The following AGO2 variants were observed in gnomAD, a reference collection of about 807,000 sequenced individuals.
The protein encoded by AGO2 is protein argonaute-2.
A neutral mutation model predicts 102.3 loss-of-function variants in AGO2; 5 were observed. The ratio of observed to expected loss-of-function variants is 0.05; its 90% confidence interval spans 0.03 to 0.10. The LOEUF (loss-of-function observed/expected upper bound fraction) is 0.10, where lower values mean the gene tolerates loss of function less well. AGO2 is among the 10% of genes least tolerant of loss of function. The probability of loss-of-function intolerance (pLI) is 1.00; values close to 1 mark genes in which losing one functional copy is unlikely to be tolerated. For synonymous variants in AGO2, 449 were observed against 473.1 expected, an observed-to-expected ratio of 0.95 and a Z score of 0.66; for missense variants, 541 against 1,183.7, an observed-to-expected ratio of 0.46 and a Z score of 7.97.
chr8:140,623,366 C>T (rs919015997), intron 1 of AGO2, among the ~76,000 whole-genome samples: 3 of 152,114 alleles, frequency 2.0e-5, no homozygotes, highest in African/African-American at 7.2e-5. Context: ...GCGATGATGG[C>T]TGCACCACAC....
At chr8:140,543,207 C>A (rs770440234) in intron 14 of AGO2, among the ~76,000 whole-genome samples, 53 of 151,208 alleles carry the variant, frequency 3.5e-4, no homozygotes, top group Non-Finnish European at 6.5e-4. Flanking sequence ...ACAACAACAA[C>A]AAAAAAACGA....
intron 1 of AGO2, among the ~76,000 whole-genome samples, chr8:140,588,438 A>G (rs982444271): frequency 6.6e-6 from 1 of 152,156 alleles, no homozygotes; most frequent in African/African-American, 2.4e-5. Flanking sequence ...AATAATGTAC[A>G]TATCTTAATT....
chr8:140,556,812 C>G (rs944805164), intron 8 of AGO2, among the ~76,000 whole-genome samples: 6 of 152,190 alleles, frequency 3.9e-5, no homozygotes, highest in Admixed American at 6.5e-5. Context: ...GGTGCAGTGA[C>G]GGAGCACCTG....
rs2073635324 is a variant in AGO2 at position 140,585,231 on chromosome 8, C to T, written c.103G>A (p.Gly35Arg). ...TTGGCCTGTAATTTGATTGTTCTCC[C>T]GGAGGTCCCAAAGTCGGGTCTAGGT... ...PPPRPDFGTS[G>R]RTIKLQANFF... is the part of the protein sequence containing the mutation. Residue 35 changes from glycine to arginine, a missense_variant, in exon 2 of 19, where the codon GGG becomes AGG. By Grantham distance (125) the Gly-to-Arg change is moderately radical. Coordinates refer to ENST00000220592, the MANE Select transcript of AGO2 (RefSeq NM_012154.5). 1 of 1,614,058 alleles carries T rather than the reference C, an allele frequency of 6.2e-7. No homozygotes were observed. Among genetic ancestry groups the T allele is most frequent in the Non-Finnish European group, 8.5e-7 (1 of 1,180,004 alleles).
At position 140,609,770 on chromosome 8, in the gene AGO2, T is replaced by G. The variant is rs573739048; in HGVS notation, c.23-24459A>C. Among the ~76,000 whole-genome samples the G allele has an allele frequency of 2.0e-5, 3 of 152,130 alleles. No individual in the cohort carries two copies. The South Asian group carries it at 6.2e-4, about 32-fold the overall frequency. On this transcript the variant is annotated intron_variant, in intron 1 of 18. Transcript: ENST00000220592. ...TCAACTGTACAAACAACTGAATGACTGCCCGGAAAAAGACAAAAGACAGAC... is the reference window on the plus strand; with the variant it reads ...TCAACTGTACAAACAACTGAATGACGGCCCGGAAAAAGACAAAAGACAGAC...
intron 3 of AGO2, among the ~76,000 whole-genome samples, chr8:140,568,342 C>T (rs2073325404): frequency 6.6e-6 from 1 of 150,880 alleles, no homozygotes; most frequent in Admixed American, 6.6e-5. Context: ...AGGGAAAAGG[C>T]ACAGAGGCGC....
In AGO2 at chr8:140,524,983, G is replaced by C. The variant is rs2072476568; in HGVS notation, c.*7061C>G. ...TATTTGGTGTTTTAGCTTTAACTCT[G>C]AACTACTTAAATCCAAGGAGGTTTT... On this transcript the variant is annotated 3_prime_UTR_variant, in exon 19 of 19. Transcript: ENST00000220592. 1 of 152,152 alleles carries C rather than the reference G, an allele frequency of 6.6e-6. No individual in the cohort carries two copies. 9.4% of individuals were successfully genotyped at this position (152,152 alleles called of 1,614,324 possible). A position where few individuals can be genotyped will look rare whatever the true frequency, so the allele number is the denominator to read the frequency against.
At chr8:140,573,193 G>C (rs2073412391) in intron 2 of AGO2, among the ~76,000 whole-genome samples, 1 of 151,654 alleles carries the variant, frequency 6.6e-6, no homozygotes, top group African/African-American at 2.4e-5. Context: ...TTTTGAGACG[G>C]AGTTTCGCTC....
At chr8:140,634,308 T>C (rs2074375184) in intron 1 of AGO2, among the ~76,000 whole-genome samples, 1 of 152,280 alleles carries the variant, frequency 6.6e-6, no homozygotes, top group Admixed American at 6.5e-5. Context: ...CCAGGGGGCC[T>C]TCCGGACCCC....
chr8:140,629,886 AGGAGG>A (rs1378036402), intron 1 of AGO2, among the ~76,000 whole-genome samples: 4 of 58,936 alleles, frequency 6.8e-5, no homozygotes, highest in South Asian at 6.3e-4. Context: ...CAGGGGGAAG[AGGAGG>A]GGAGGGGAGG....
chr8:140,549,035 A>ACCTTTCT, intron 12 of AGO2, 79 bp downstream of exon 12: 1 of 1,490,786 alleles, frequency 6.7e-7, no homozygotes, highest in Non-Finnish European at 8.9e-7. Flanking sequence ...CAGCAGAAAC[A>ACCTTTCT]CAGAGGGGCT....
chr8:140,573,181 T>A (rs1210118329), intron 2 of AGO2, among the ~76,000 whole-genome samples: 2 of 151,946 alleles, frequency 1.3e-5, no homozygotes, highest in African/African-American at 4.8e-5. Context: ...TTTTTCTTTT[T>A]TTTTTGAGAC....
At chr8:140,582,602 A>T (rs2073574085) in intron 2 of AGO2, among the ~76,000 whole-genome samples, 1 of 152,244 alleles carries the variant, frequency 6.6e-6, no homozygotes, top group African/African-American at 2.4e-5. Context: ...AGTATTTTCA[A>T]CAGACCCTTA....
chr8:140,616,382 C>T, intron 1 of AGO2, among the ~76,000 whole-genome samples: 1 of 152,224 alleles, frequency 6.6e-6, no homozygotes, highest in South Asian at 2.1e-4. Context: ...CATTAATTCA[C>T]TTCACTCCCA....
Position 140,625,877 on chromosome 8 carries a change from G to C in AGO2, c.22+9608C>G, listed in dbSNP as rs187364181. Reference sequence around the variant, plus strand: ...CAACAGCGAAGTTAAGGTGTGATGAGTGAGCGTCTCAGCACTGAGAATCCA... The same window carrying C: ...CAACAGCGAAGTTAAGGTGTGATGACTGAGCGTCTCAGCACTGAGAATCCA... On this transcript the variant is annotated intron_variant, in intron 1 of 18. Transcript: ENST00000220592. Among the ~76,000 whole-genome samples the C allele has an allele frequency of 4.4e-4, 67 of 152,368 alleles. No individual in the cohort carries two copies. In the East Asian group the frequency reaches 0.01, roughly 23 times the overall value.
At chr8:140,544,833 C>G (rs2072870017) in intron 13 of AGO2, among the ~76,000 whole-genome samples, 1 of 152,196 alleles carries the variant, frequency 6.6e-6, no homozygotes, top group African/African-American at 2.4e-5. Flanking sequence ...GCAAAACCAC[C>G]CCATGGAGAA....
At chr8:140,627,063 G>A (rs993196944) in intron 1 of AGO2, among the ~76,000 whole-genome samples, 3 of 152,166 alleles carry the variant, frequency 2.0e-5, no homozygotes, top group Non-Finnish European at 4.4e-5. Context: ...CTGGGACTCA[G>A]ACACCCACCC....
chr8:140,579,615 C>A (rs776813482), intron 2 of AGO2, among the ~76,000 whole-genome samples: 8 of 152,160 alleles, frequency 5.3e-5, no homozygotes, highest in African/African-American at 1.9e-4. Flanking sequence ...CCCCAGCGCA[C>A]TCCTCTAACC....
At chr8:140,608,776 C>A (rs754362677) in intron 1 of AGO2, among the ~76,000 whole-genome samples, 2 of 152,222 alleles carry the variant, frequency 1.3e-5, no homozygotes, top group African/African-American at 2.4e-5. Flanking sequence ...GGTGTCCCTG[C>A]GAGACCTATT....
Sources: allele counts gnomAD v4.1 joint callset (sites outside exome capture counted in the v4.1 genomes callset), GRCh38; gene constraint gnomAD v4.1.1; transcripts MANE v1.5; gene names NCBI Gene and HGNC (gene_info 2026-07-23, HGNC 2026-07-21).